ASIC2: variants seen among roughly 807,000 people sequenced by gnomAD.
ASIC2 encodes the protein acid-sensing ion channel 2.
A neutral mutation model predicts 57.3 loss-of-function variants in ASIC2; 25 were observed. That is an observed-to-expected ratio of 0.44 (90% CI 0.32 to 0.61). ASIC2 has a LOEUF of 0.61. Among genes scored for constraint, ASIC2 ranks in the 20% least tolerant of loss-of-function variants. The pLI, the probability that ASIC2 is intolerant of heterozygous loss-of-function variation, is 0.06. For synonymous variants in ASIC2, 319 were observed against 307.5 expected, an observed-to-expected ratio of 1.04 and a Z score of -0.39; for missense variants, 641 against 738.1, an observed-to-expected ratio of 0.87 and a Z score of 1.52.
At chr17:33,288,145 G>A (rs1336020642) in intron 1 of ASIC2, among the ~76,000 whole-genome samples, 2 of 152,124 alleles carry the variant, frequency 1.3e-5, no homozygotes, top group African/African-American at 4.8e-5. Flanking sequence ...AGTCTAACAG[G>A]TGTGATGACA....
chr17:33,486,049 C>T (rs1471571708), intron 1 of ASIC2, among the ~76,000 whole-genome samples: 2 of 152,164 alleles, frequency 1.3e-5, no homozygotes, highest in Non-Finnish European at 1.5e-5. Context: ...ACCCAGAGCT[C>T]ATCCCCTCTC....
intron 1 of ASIC2, among the ~76,000 whole-genome samples, chr17:33,983,471 C>T (rs961938349): frequency 2.0e-5 from 3 of 152,152 alleles, no homozygotes; most frequent in South Asian, 4.2e-4. Flanking sequence ...GTTTCGATGA[C>T]GTTTGGGCCT....
intron 3 of ASIC2, among the ~76,000 whole-genome samples, chr17:33,053,951 T>A (rs2141931353): frequency 6.6e-6 from 1 of 152,292 alleles, no homozygotes; most frequent in Non-Finnish European, 1.5e-5. Context: ...TACTTAGCCA[T>A]CTAACACTTC....
At chr17:33,138,643 C>T (rs905427713) in intron 1 of ASIC2, among the ~76,000 whole-genome samples, 8 of 152,148 alleles carry the variant, frequency 5.3e-5, no homozygotes, top group Admixed American at 2.0e-4. Context: ...GCGGTGGCAC[C>T]GAAGCCCTCC....
At chr17:33,781,613 C>A (rs114611750) in intron 1 of ASIC2, among the ~76,000 whole-genome samples, 6 of 152,252 alleles carry the variant, frequency 3.9e-5, no homozygotes, top group African/African-American at 1.4e-4. Flanking sequence ...GGACACAGAG[C>A]GAACACAGGA....
intron 1 of ASIC2, among the ~76,000 whole-genome samples, chr17:33,279,518 T>C (rs1904851242): frequency 6.6e-6 from 1 of 152,108 alleles, no homozygotes; most frequent in Admixed American, 6.5e-5. Flanking sequence ...TCCTGGCTTG[T>C]TGGCTGGTTA....
intron 1 of ASIC2, among the ~76,000 whole-genome samples, chr17:33,562,335 C>T (rs1024023487): frequency 1.3e-5 from 2 of 152,104 alleles, no homozygotes; most frequent in East Asian, 3.9e-4. Context: ...CAAGCACAGA[C>T]CTAGTGTACG....
At chr17:33,094,839 G>A (rs188024662) in intron 2 of ASIC2, among the ~76,000 whole-genome samples, 34 of 152,224 alleles carry the variant, frequency 2.2e-4, no homozygotes, top group Admixed American at 1.8e-3. Context: ...CAAGTGAGTC[G>A]GACTTTCTGA....
chr17:33,414,770 A>G (rs1478414859), intron 1 of ASIC2, among the ~76,000 whole-genome samples: 1 of 152,188 alleles, frequency 6.6e-6, no homozygotes, highest in Non-Finnish European at 1.5e-5. Context: ...CACTGAAATC[A>G]CATTAGGCCC....
intron 3 of ASIC2, among the ~76,000 whole-genome samples, chr17:33,045,681 C>T (rs181031353): frequency 1.3e-5 from 2 of 152,202 alleles, no homozygotes; most frequent in Admixed American, 1.3e-4. Flanking sequence ...TGTTGGGATC[C>T]TCAAGACATA....
chr17:34,042,410 A>G (rs931610587), intron 1 of ASIC2, among the ~76,000 whole-genome samples: 3 of 152,230 alleles, frequency 2.0e-5, no homozygotes, highest in African/African-American at 7.2e-5. Flanking sequence ...ACAGGAATAA[A>G]TTTCAAAAGT....
chr17:33,152,794 G>A (rs774569880), intron 1 of ASIC2, among the ~76,000 whole-genome samples: 6 of 152,204 alleles, frequency 3.9e-5, no homozygotes, highest in African/African-American at 7.2e-5. Flanking sequence ...AGCATGTTAC[G>A]TGGTCTGGGC....
At chr17:33,282,367 C>T (rs940303695) in intron 1 of ASIC2, among the ~76,000 whole-genome samples, 6 of 152,150 alleles carry the variant, frequency 3.9e-5, no homozygotes, top group African/African-American at 1.4e-4. Context: ...AGAGGCCATC[C>T]ATCTTCCCTA....
intron 2 of ASIC2, chr17:33,100,449 G>C (rs532533297): frequency 6.6e-6 from 1 of 152,224 alleles, no homozygotes; most frequent in African/African-American, 2.4e-5. Flanking sequence ...TAAAACCAAA[G>C]GTCAACTTCT....
At chr17:33,326,358 C>T (rs922268090) in intron 1 of ASIC2, among the ~76,000 whole-genome samples, 1 of 152,204 alleles carries the variant, frequency 6.6e-6, no homozygotes, top group Non-Finnish European at 1.5e-5. Flanking sequence ...GTTCACGCAT[C>T]TTTCCCAACT....
intron 1 of ASIC2, among the ~76,000 whole-genome samples, chr17:33,684,833 G>C (rs562704694): frequency 1.3e-5 from 2 of 152,028 alleles, no homozygotes; most frequent in African/African-American, 4.8e-5. Context: ...AGAACAAATT[G>C]GTCCCAGTCA....
At chr17:33,625,419 T>C (rs369146742) in intron 1 of ASIC2, among the ~76,000 whole-genome samples, 12 of 152,238 alleles carry the variant, frequency 7.9e-5, no homozygotes, top group African/African-American at 2.9e-4. Flanking sequence ...CCTTCCCCAC[T>C]TGAGCCTTCA....
chr17:33,358,181 G>A (rs992526267), intron 1 of ASIC2, among the ~76,000 whole-genome samples: 6 of 152,286 alleles, frequency 3.9e-5, no homozygotes, highest in Middle Eastern at 6.8e-3. Context: ...ATTTTCTAAC[G>A]TGTGAAGAGT....
At chr17:34,039,773 A>C in intron 1 of ASIC2, 2 of 1,611,636 alleles carry the variant, frequency 1.2e-6, no homozygotes, top group Non-Finnish European at 1.7e-6. Context: ...TGGTTGGAAG[A>C]CTCACTATTA....
Sources: gnomAD v4.1 joint callset for allele counts (sites outside exome capture counted in the v4.1 genomes callset) on GRCh38, gnomAD v4.1.1 for gene constraint, MANE v1.5 for transcripts, NCBI Gene and HGNC (gene_info 2026-07-23, HGNC 2026-07-21) for gene names.